UHRF1: variants seen among roughly 807,000 people sequenced by gnomAD.
UHRF1 encodes E3 ubiquitin-protein ligase UHRF1.
A neutral mutation model predicts 96.5 loss-of-function variants in UHRF1; 9 were observed. The ratio of observed to expected loss-of-function variants is 0.09; its 90% CI spans 0.06 to 0.16. UHRF1 has a LOEUF of 0.16. UHRF1 is among the 10% of genes least tolerant of loss of function. The pLI is 1.00. For missense variants in UHRF1, 626 were observed against 1,131.1 expected (o/e 0.55, Z 6.40); for synonymous variants, 455 against 469.9 (o/e 0.97, Z 0.41).
chr19:4,917,166 A>G (rs1477807846), intron 2 of UHRF1, among the ~76,000 whole-genome samples: 1 of 132,068 alleles, frequency 7.6e-6, no homozygotes, highest in African/African-American at 2.9e-5. Flanking sequence ...TTTTTTCACC[A>G]GGCTGGTCTT....
Position 4,954,831 on chromosome 19 carries a change from G to C in UHRF1, c.2130+9G>C. On this transcript the variant is annotated intron_variant, in intron 15 of 16. Transcript: ENST00000650932. The surrounding 1 kb of genome is among the most constrained non-coding windows in gnomAD (Gnocchi z 5.9). The stretch of plus-strand genomic sequence containing the variant: ...CGGCGAGCGGCAGCCCGGTAGGCTC[G>C]CACGGCTCACTCGTCGCCCTGATTT... 2.5e-6 allele frequency: 4 copies of C among 1,612,310 alleles called. No homozygotes were observed. The highest frequency in any genetic ancestry group is 3.4e-6 in the Non-Finnish European group (4 of 1,179,194).
upstream of UHRF1, chr19:4,909,369 CG>C (rs1165993027): frequency 1.1e-5 from 7 of 613,410 alleles, no homozygotes; most frequent in Non-Finnish European, 2.0e-5. Flanking sequence ...TGGACAGAGG[CG>C]GGGGCGCCCC....
intron 2 of UHRF1, among the ~76,000 whole-genome samples, chr19:4,919,518 G>T (rs1356805068): frequency 6.6e-6 from 1 of 151,892 alleles, no homozygotes; most frequent in African/African-American, 2.4e-5. Flanking sequence ...TAGCCAGGAT[G>T]GTTTCGATCT....
chr19:4,930,645 G>A lies in UHRF1; in HGVS notation c.409-71G>A, dbSNP rs762724153. 5.8e-5 allele frequency: 89 copies of A among 1,542,840 alleles called. No homozygotes were observed. The highest frequency in any genetic ancestry group is 9.5e-5 in the African/African-American group (7 of 73,576). On this transcript the variant is annotated intron_variant, in intron 3 of 16. Transcript: ENST00000650932. This position sits in a 1 kb window ranked among gnomAD's most constrained non-coding sequence, Gnocchi z 4.4. The stretch of plus-strand genomic sequence containing the variant: ...CTGGTTCCAGAGCATCCCAGTGTCC[G>A]AGAACCAAGGTGGTCTCCCGTCAGT...
intron 7 of UHRF1, among the ~76,000 whole-genome samples, chr19:4,943,841 G>C (rs1045670168): frequency 6.6e-6 from 1 of 152,236 alleles, no homozygotes; most frequent in Middle Eastern, 3.4e-3. Flanking sequence ...AGTAGAGATG[G>C]GGTTTCACCG....
intron 2 of UHRF1, among the ~76,000 whole-genome samples, chr19:4,927,590 T>C (rs927652734): frequency 1.3e-5 from 2 of 152,026 alleles, no homozygotes; most frequent in African/African-American, 2.4e-5. Flanking sequence ...TATGTATGTC[T>C]CTCTCCTCCC....
At chr19:4,953,241 C>T (rs748295366) in intron 13 of UHRF1, among the ~76,000 whole-genome samples, 4 of 152,248 alleles carry the variant, frequency 2.6e-5, no homozygotes, top group East Asian at 3.9e-4. Context: ...AATGCACAGG[C>T]GTCCCCCCCT....
upstream of UHRF1, among the ~76,000 whole-genome samples, chr19:4,905,199 C>G (rs2146265087): frequency 6.9e-6 from 1 of 144,864 alleles, no homozygotes; most frequent in African/African-American, 2.6e-5. Flanking sequence ...TCACTGCAAG[C>G]TCTGCCTCCC....
intron 11 of UHRF1, among the ~76,000 whole-genome samples, chr19:4,950,405 G>A (rs368480187): frequency 6.6e-5 from 10 of 151,668 alleles, no homozygotes; most frequent in African/African-American, 2.2e-4. Context: ...CACCACGCCC[G>A]GCTAACTTTT....
In UHRF1 at chr19:4,932,965, C is replaced by G; in HGVS notation, c.785+9C>G. 2 of 1,599,764 alleles carry G rather than the reference C, an allele frequency of 1.3e-6. No homozygotes were observed. The highest frequency in any genetic ancestry group is 1.1e-5 in the South Asian group (1 of 89,942). Reference sequence around the variant, plus strand: ...GCCAACGTGGTGCTGGGGTGAGCCTCGCGTCCTGGGGCGAGCCCTTCCTCT... The same window carrying G: ...GCCAACGTGGTGCTGGGGTGAGCCTGGCGTCCTGGGGCGAGCCCTTCCTCT... On this transcript the variant is annotated intron_variant, in intron 5 of 16. Coordinates refer to ENST00000650932, the MANE Select transcript of UHRF1 (RefSeq NM_001048201.3).
At chr19:4,931,314 C>T (rs538902536) in intron 4 of UHRF1, among the ~76,000 whole-genome samples, 6 of 152,262 alleles carry the variant, frequency 3.9e-5, no homozygotes, top group East Asian at 1.9e-4. Context: ...ATTTCACAGA[C>T]GGTGTGGCTT....
At chr19:4,914,705 C>T (rs2032424443) in intron 2 of UHRF1, among the ~76,000 whole-genome samples, 1 of 150,442 alleles carries the variant, frequency 6.6e-6, no homozygotes, top group Admixed American at 6.6e-5. Flanking sequence ...CTGTCTTTTG[C>T]GGCACCTTTA....
intron 7 of UHRF1, among the ~76,000 whole-genome samples, chr19:4,943,673 TAG>T (rs767698251): frequency 6.6e-6 from 1 of 151,944 alleles, no homozygotes; most frequent in Non-Finnish European, 1.5e-5. Context: ...TTTTTTGAGA[TAG>T]AGTCTTGCTC....
chr19:4,909,144 T>G (rs1237622277), upstream of UHRF1: 3 of 287,594 alleles, frequency 1.0e-5, no homozygotes, highest in African/African-American at 6.7e-5. Flanking sequence ...TCCGGCCTTC[T>G]TAGACCTACT....
At chr19:4,917,140 A>G (rs369446366) in intron 2 of UHRF1, among the ~76,000 whole-genome samples, 2 of 116,046 alleles carry the variant, frequency 1.7e-5, no homozygotes, top group Admixed American at 1.0e-4. Context: ...TCTTTTTTAT[A>G]GAGATGGGAT....
chr19:4,953,508 G>A (rs191229052), intron 13 of UHRF1, among the ~76,000 whole-genome samples: 1 of 152,218 alleles, frequency 6.6e-6, no homozygotes, highest in Non-Finnish European at 1.5e-5. Flanking sequence ...CTGTTGTCCA[G>A]GCTGGAGTGT....
intron 5 of UHRF1, among the ~76,000 whole-genome samples, chr19:4,935,739 C>A (rs562437637): frequency 1.4e-4 from 21 of 152,210 alleles, no homozygotes; most frequent in Non-Finnish European, 2.8e-4. Context: ...TCCGTCAGCT[C>A]TGCTGTATTT....
At chr19:4,944,648 G>A (rs2033510630) in intron 9 of UHRF1, among the ~76,000 whole-genome samples, 198 bp downstream of exon 9, 2 of 152,172 alleles carry the variant, frequency 1.3e-5, no homozygotes, top group Admixed American at 1.3e-4. Context: ...ATCCTTGGGG[G>A]TGGGGGCTGC....
At chr19:4,916,046 A>G (rs1354541557) in intron 2 of UHRF1, among the ~76,000 whole-genome samples, 1 of 152,034 alleles carries the variant, frequency 6.6e-6, no homozygotes, top group Non-Finnish European at 1.5e-5. Context: ...ATGGTAGCTC[A>G]CACCTGTAAT....
Sources: allele counts gnomAD v4.1 joint callset (sites outside exome capture counted in the v4.1 genomes callset), GRCh38; gene constraint gnomAD v4.1.1; non-coding constraint Gnocchi (gnomAD v3.1); transcripts MANE v1.5; gene names NCBI Gene and HGNC (gene_info 2026-07-23, HGNC 2026-07-21).